DNAAF9: variants seen among roughly 807,000 people sequenced by gnomAD.
The protein encoded by DNAAF9 is shulin.
In DNAAF9, 90 loss-of-function variants were observed where a neutral mutation model predicts 167.0. That is an observed-to-expected ratio of 0.54 (90% CI 0.45 to 0.64). The LOEUF (loss-of-function observed/expected upper bound fraction) is 0.64. DNAAF9 is among the 30% of genes least tolerant of loss of function. The pLI is 0.00. For synonymous variants in DNAAF9, 491 were observed against 508.8 expected (o/e 0.96, Z 0.47); for missense variants, 1,315 against 1,442.2 (o/e 0.91, Z 1.43).
At position 3,270,410 on chromosome 20, in the gene DNAAF9, G is replaced by T. The variant is rs1165693348; in HGVS notation, c.2786+17C>A. 2 of 1,611,762 alleles carry T rather than the reference G, an allele frequency of 1.2e-6. No individual in the cohort carries two copies. Among genetic ancestry groups the T allele is most frequent in the Admixed American group, 3.3e-5 (2 of 60,024 alleles). On this transcript the variant is annotated intron_variant, in intron 30 of 36. Transcript: ENST00000252032. ...CTGAGAAAGCAACTGGTCTTGCAGA[G>T]TGAATCTATAGATTACCTGGTGACA...
intron 29 of DNAAF9, among the ~76,000 whole-genome samples, chr20:3,271,949 C>A (rs896694994): frequency 6.6e-6 from 1 of 151,962 alleles, no homozygotes; most frequent in Non-Finnish European, 1.5e-5. Flanking sequence ...AAATTTCAAA[C>A]ATACACAACT....
chr20:3,396,216 G>C (rs2083904987), intron 1 of DNAAF9, among the ~76,000 whole-genome samples: 1 of 152,174 alleles, frequency 6.6e-6, no homozygotes, highest in African/African-American at 2.4e-5. Context: ...GACTAATACA[G>C]AGTCCGTTAC....
intron 31 of DNAAF9, 81 bp downstream of exon 31, chr20:3,264,356 TC>T: frequency 2.7e-6 from 2 of 750,016 alleles, no homozygotes; most frequent in Non-Finnish European, 4.7e-6. Context: ...ATTTTCACCT[TC>T]TCTCTTTTTT....
intron 1 of DNAAF9, among the ~76,000 whole-genome samples, chr20:3,405,587 C>G (rs2084044110): frequency 6.6e-6 from 1 of 152,176 alleles, no homozygotes; most frequent in African/African-American, 2.4e-5. Context: ...AAATTTTATT[C>G]AAACCACTTG....
intron 1 of DNAAF9, among the ~76,000 whole-genome samples, chr20:3,390,031 A>G (rs7272253): frequency 0.043 from 6,414 of 148,772 alleles, 197 homozygotes; most frequent in African/African-American, 0.089. Context: ...GCAAGACTCC[A>G]TCTCAAAAAA....
chr20:3,304,600 C>T, intron 20 of DNAAF9, 57 bp from the exon 21 acceptor site: 2 of 782,448 alleles, frequency 2.6e-6, no homozygotes, highest in Non-Finnish European at 4.6e-6. Context: ...GGGTCAGATT[C>T]CAATGTCCTC....
chr20:3,297,557 T>C (rs1444279406), intron 22 of DNAAF9, among the ~76,000 whole-genome samples: 1 of 152,222 alleles, frequency 6.6e-6, no homozygotes, highest in Non-Finnish European at 1.5e-5. Context: ...TGGCTATTGC[T>C]TGGTCTCTAA....
chr20:3,340,440 A>T lies in DNAAF9; in HGVS notation c.981+64T>A. 6 of 124,210 alleles carry T rather than the reference A, an allele frequency of 4.8e-5. 2 individuals are homozygous for T. Among genetic ancestry groups the T allele is most frequent in the South Asian group, 2.5e-4 (3 of 12,062 alleles). 7.7% of individuals were successfully genotyped at this position (124,210 alleles called of 1,614,324 possible). ...AGGTTCTTTTTGTCTAGCTCCCCCC[A>T]CCCACCCCACCCCCACAACTTGATA... On this transcript the variant is annotated intron_variant, in intron 10 of 36. Transcript: ENST00000252032.
At position 3,381,234 on chromosome 20, in the gene DNAAF9, GT is replaced by G. The variant is rs536640837; in HGVS notation, c.283+144del. On this transcript the variant is annotated intron_variant, in intron 3 of 36. Coordinates refer to ENST00000252032, the MANE Select transcript of DNAAF9 (RefSeq NM_001009984.3). Reference sequence around the variant, plus strand: ...AATATATCAGCAAAGAAAAAATGCCGTTTTTTTCATTCTTTAAAAAGCAAAC... The same window carrying G: ...AATATATCAGCAAAGAAAAAATGCCGTTTTTTCATTCTTTAAAAAGCAAAC... 7.7e-4 allele frequency: 471 copies of G among 608,350 alleles called. 4 individuals are homozygous for G. The African/African-American group carries it at 8.2e-3, about 11-fold the overall frequency. The allele number at this position is 608,350 out of a possible 1,614,324, so 37.7% of individuals were successfully genotyped here.
chr20:3,389,651 C>T (rs940217924), intron 1 of DNAAF9, among the ~76,000 whole-genome samples: 3 of 151,236 alleles, frequency 2.0e-5, no homozygotes, highest in Admixed American at 2.0e-4. Context: ...TTATATAAAA[C>T]AAAAACAACA....
intron 13 of DNAAF9, 105 bp from the exon 14 acceptor site, chr20:3,325,073 C>T: frequency 1.3e-6 from 1 of 746,214 alleles, no homozygotes; most frequent in South Asian, 1.5e-5. Flanking sequence ...CACACCATGC[C>T]CTACAGTGTG....
At chr20:3,345,192 G>A (rs759838968) in intron 8 of DNAAF9, among the ~76,000 whole-genome samples, 6 of 151,966 alleles carry the variant, frequency 3.9e-5, no homozygotes, top group African/African-American at 7.3e-5. Context: ...CTAATTTTGC[G>A]TTTTTAGTAG....
intron 28 of DNAAF9, among the ~76,000 whole-genome samples, chr20:3,281,400 G>C (rs1673212325): frequency 6.6e-6 from 1 of 152,158 alleles, no homozygotes; most frequent in African/African-American, 2.4e-5. Flanking sequence ...TATTTCATAA[G>C]TCCTTACTAT....
chr20:3,272,339 C>T (rs1167690943), intron 29 of DNAAF9, among the ~76,000 whole-genome samples: 1 of 152,180 alleles, frequency 6.6e-6, no homozygotes, highest in Admixed American at 6.5e-5. Flanking sequence ...ATCCTCCTGC[C>T]TCAGCCTCCT....
intron 6 of DNAAF9, among the ~76,000 whole-genome samples, chr20:3,372,812 T>A (rs1403262025): frequency 1.4e-5 from 2 of 145,874 alleles, no homozygotes; most frequent in African/African-American, 5.1e-5. Context: ...CTCAGAGGGT[T>A]ACTATAAGAA....
intron 27 of DNAAF9, among the ~76,000 whole-genome samples, chr20:3,285,795 A>C (rs1158059966): frequency 6.6e-6 from 1 of 151,702 alleles, no homozygotes; most frequent in African/African-American, 2.4e-5. Flanking sequence ...TCTGGCCAAC[A>C]TAGTGAAATC....
At chr20:3,355,851 A>C (rs549930425) in intron 7 of DNAAF9, among the ~76,000 whole-genome samples, 1 of 151,110 alleles carries the variant, frequency 6.6e-6, no homozygotes, top group Admixed American at 6.6e-5. Context: ...CATTTTCTTT[A>C]GTTTCTTTTT....
In DNAAF9 at chr20:3,255,212, C is replaced by T; in HGVS notation, c.3327+7G>A. On this transcript the variant is annotated splice_region_variant and intron_variant, in intron 35 of 36. Coordinates refer to ENST00000252032, the MANE Select transcript of DNAAF9 (RefSeq NM_001009984.3). ...ACCGAGGGGAGAAGCCAGGGCAAGG[C>T]ACTCACGTGGATGCTCCTGATCTCC... 4 of 1,540,460 alleles carry T rather than the reference C, an allele frequency of 2.6e-6. No homozygotes were observed. Among genetic ancestry groups the T allele is most frequent in the Non-Finnish European group, 3.5e-6 (4 of 1,137,028 alleles).
intron 7 of DNAAF9, among the ~76,000 whole-genome samples, chr20:3,350,335 C>T (rs1315507854): frequency 2.0e-5 from 3 of 151,932 alleles, no homozygotes; most frequent in East Asian, 1.9e-4. Flanking sequence ...TCCTTTTAGT[C>T]ATCATGTAGG....
Sources: gnomAD v4.1 joint callset for allele counts (sites outside exome capture counted in the v4.1 genomes callset) on GRCh38, gnomAD v4.1.1 for gene constraint, MANE v1.5 for transcripts, NCBI Gene and HGNC (gene_info 2026-07-23, HGNC 2026-07-21) for gene names.